TYW1B: variants seen among roughly 807,000 people sequenced by gnomAD.
TYW1B encodes tRNA-yW synthesizing protein 1 homolog B.
Under a neutral mutation model 86.9 loss-of-function variants are expected in TYW1B, and 73 were observed. The ratio of observed to expected loss-of-function variants is 0.84; its 90% CI spans 0.70 to 1.02. The LOEUF is 1.02. Among genes scored for constraint, TYW1B ranks in the 50% least tolerant of loss-of-function variants. TYW1B has a pLI of 0.00. For synonymous variants in TYW1B, 248 were observed against 292.8 expected (o/e 0.85, Z 1.56); for missense variants, 637 against 827.4 (o/e 0.77, Z 2.82).
Position 72,712,440 on chromosome 7 carries a change from T to G in TYW1B, c.1370+1181A>C, listed in dbSNP as rs572374882. Among the ~76,000 whole-genome samples, 311 of 152,268 alleles carry G rather than the reference T, an allele frequency of 2.0e-3. 2 individuals carry two copies. The highest frequency in any genetic ancestry group is 4.4e-4 in the Non-Finnish European group (30 of 68,010). On this transcript the variant is annotated intron_variant, in intron 10 of 13. Coordinates refer to ENST00000620995, the MANE Select transcript of TYW1B (RefSeq NM_001145440.3). ...GCCTCCCGGGTTCAAGCGATTCTCCTGCCTCAGCCTCCCGAGTAGCTGGGA... is the reference window on the plus strand; with the variant it reads ...GCCTCCCGGGTTCAAGCGATTCTCCGGCCTCAGCCTCCCGAGTAGCTGGGA...
chr7:72,720,485 C>CA (rs1309173659), intron 9 of TYW1B, among the ~76,000 whole-genome samples: 5 of 151,726 alleles, frequency 3.3e-5, no homozygotes, highest in Non-Finnish European at 5.9e-5. Context: ...AAATACAAGA[C>CA]AAAAAAAATT....
chr7:72,657,555 A>T (rs1279746820), intron 11 of TYW1B, among the ~76,000 whole-genome samples: 3 of 152,190 alleles, frequency 2.0e-5, no homozygotes, highest in African/African-American at 7.2e-5. Flanking sequence ...CACTATAGTC[A>T]AGCTGTCAAA....
chr7:72,733,920 C>T (rs1787156252), intron 8 of TYW1B, among the ~76,000 whole-genome samples: 1 of 152,058 alleles, frequency 6.6e-6, no homozygotes, highest in South Asian at 2.1e-4. Context: ...CAAAGAAATC[C>T]TATGCAGAAT....
intron 11 of TYW1B, among the ~76,000 whole-genome samples, chr7:72,671,831 A>G (rs1813607969): frequency 8.2e-6 from 1 of 121,346 alleles, no homozygotes. Flanking sequence ...TTCTTTTAAA[A>G]TTGTATTTAA....
intron 13 of TYW1B, among the ~76,000 whole-genome samples, chr7:72,602,659 G>A (rs1210183258): frequency 1.3e-5 from 2 of 152,132 alleles, no homozygotes; most frequent in Non-Finnish European, 2.9e-5. Context: ...ACTGACAGCT[G>A]CAGCTTACTG....
intron 9 of TYW1B, among the ~76,000 whole-genome samples, chr7:72,717,002 T>C (rs557895918): frequency 5.9e-5 from 9 of 151,684 alleles, no homozygotes; most frequent in Admixed American, 2.6e-4. Flanking sequence ...CAGTTGCTTG[T>C]AAAAAGCATG....
intron 8 of TYW1B, among the ~76,000 whole-genome samples, chr7:72,739,824 C>T (rs1554461735): frequency 7.0e-6 from 1 of 141,886 alleles, no homozygotes; most frequent in East Asian, 2.0e-4. Flanking sequence ...AGGAGACATG[C>T]TAAGAAGCGG....
intron 11 of TYW1B, among the ~76,000 whole-genome samples, chr7:72,667,516 A>G (rs34591666): frequency 6.6e-6 from 1 of 152,142 alleles, no homozygotes; most frequent in Non-Finnish European, 1.5e-5. Flanking sequence ...GAGTTCTAGA[A>G]GAGGCTGGGC....
At chr7:72,641,844 A>G (rs1329353173) in intron 11 of TYW1B, among the ~76,000 whole-genome samples, 1 of 152,222 alleles carries the variant, frequency 6.6e-6, no homozygotes, top group African/African-American at 2.4e-5. Flanking sequence ...AATCCCTGTT[A>G]AAGTTCCAGC....
chr7:72,756,201 T>TTTTTATTTTATTTTAATTTATTTTA (rs1787584908), intron 7 of TYW1B, among the ~76,000 whole-genome samples: 1 of 138,788 alleles, frequency 7.2e-6, no homozygotes, highest in Non-Finnish European at 1.6e-5. Context: ...GTTTATTATT[T>TTTTTATTTTATTTTAATTTATTTTA]TTTTATTTTA....
chr7:72,802,682 G>A (rs868929296), intron 5 of TYW1B, among the ~76,000 whole-genome samples, 160 bp from the exon 6 acceptor site: 5 of 151,692 alleles, frequency 3.3e-5, no homozygotes, highest in South Asian at 2.1e-4. Context: ...GCGCAGTGGC[G>A]TCATCTCGGC....
intron 6 of TYW1B, among the ~76,000 whole-genome samples, chr7:72,782,649 G>A (rs1420815122): frequency 1.3e-5 from 2 of 152,100 alleles, no homozygotes; most frequent in African/African-American, 4.8e-5. Flanking sequence ...GGTGGAGGTG[G>A]GTGGATCACC....
chr7:72,574,897 T>C lies in TYW1B; in HGVS notation c.*601A>G. On this transcript the variant is annotated 3_prime_UTR_variant, in exon 14 of 14. Coordinates refer to ENST00000620995, the MANE Select transcript of TYW1B (RefSeq NM_001145440.3). The stretch of plus-strand genomic sequence containing the variant: ...TGGGAATGGGATGAGATCTAGTAGT[T>C]TTAGATCCGATGCAATTTTGGGAAG... 1 of 986,314 alleles carries C rather than the reference T, an allele frequency of 1.0e-6. No homozygotes were observed. The highest frequency in any genetic ancestry group is 1.2e-6 in the Non-Finnish European group (1 of 830,562). The allele number at this position is 986,314 out of a possible 1,614,324, so 61.1% of individuals were successfully genotyped here. A position where few individuals can be genotyped will look rare whatever the true frequency, so the allele number is the denominator to read the frequency against.
At chr7:72,629,578 G>A (rs1812434052) in intron 11 of TYW1B, among the ~76,000 whole-genome samples, 1 of 151,898 alleles carries the variant, frequency 6.6e-6, no homozygotes, top group Non-Finnish European at 1.5e-5. Context: ...ACAGAGTCTC[G>A]CTCTGTTGTC....
intron 7 of TYW1B, among the ~76,000 whole-genome samples, chr7:72,757,965 G>A (rs1787620864): frequency 1.3e-5 from 2 of 151,902 alleles, no homozygotes; most frequent in Admixed American, 6.6e-5. Context: ...GGTGGCTCAT[G>A]CCAGCACTTT....
intron 10 of TYW1B, among the ~76,000 whole-genome samples, chr7:72,699,902 G>A (rs1201910139): frequency 1.3e-5 from 2 of 151,944 alleles, no homozygotes; most frequent in Admixed American, 6.6e-5. Context: ...TGCCTGCCTC[G>A]GCCTCCCAAA....
At chr7:72,665,817 A>G (rs377296962) in intron 11 of TYW1B, among the ~76,000 whole-genome samples, 15 of 152,316 alleles carry the variant, frequency 9.8e-5, no homozygotes, top group African/African-American at 3.1e-4. Context: ...TAAGCACTCA[A>G]TAAATATTTG....
intron 11 of TYW1B, among the ~76,000 whole-genome samples, chr7:72,639,865 CAAAAAAAA>C (rs34283765): frequency 1.6e-4 from 17 of 109,314 alleles, no homozygotes; most frequent in African/African-American, 5.0e-4. Flanking sequence ...GACTCCATCT[CAAAAAAAA>C]AAAAAAAAGA....
At chr7:72,730,875 G>C (rs1277198692) in intron 8 of TYW1B, among the ~76,000 whole-genome samples, 1 of 147,076 alleles carries the variant, frequency 6.8e-6, no homozygotes, top group Non-Finnish European at 1.5e-5. Flanking sequence ...CATTTTGGGA[G>C]AGATATGGAC....
Sources: allele counts gnomAD v4.1 joint callset (sites outside exome capture counted in the v4.1 genomes callset), GRCh38; gene constraint gnomAD v4.1.1; transcripts MANE v1.5; gene names NCBI Gene and HGNC (gene_info 2026-07-23, HGNC 2026-07-21).